Variants in RASGEF1C observed in about 807,000 individuals in gnomAD.
RASGEF1C encodes the protein ras-GEF domain-containing family member 1C.
A neutral mutation model predicts 58.1 loss-of-function variants in RASGEF1C; 27 were observed. That is an observed-to-expected ratio of 0.46 (90% CI 0.34 to 0.64). RASGEF1C has a LOEUF of 0.64. RASGEF1C is among the 30% of genes least tolerant of loss of function. The pLI is 0.01. For synonymous variants in RASGEF1C, 243 were observed against 246.3 expected (o/e 0.99, Z 0.13); for missense variants, 502 against 605.1 (o/e 0.83, Z 1.79).
intron 6 of RASGEF1C, among the ~76,000 whole-genome samples, chr5:180,123,839 G>A (rs1766214313): frequency 6.6e-6 from 1 of 152,064 alleles, no homozygotes; most frequent in Non-Finnish European, 1.5e-5. Flanking sequence ...ACAAAGAGAG[G>A]TGTAAATAAT....
At chr5:180,202,526 G>A (rs1466295459) in intron 1 of RASGEF1C, among the ~76,000 whole-genome samples, 1 of 152,020 alleles carries the variant, frequency 6.6e-6, no homozygotes, top group Non-Finnish European at 1.5e-5. Flanking sequence ...AGGAAAGAAA[G>A]GCATGTTTAT....
chr5:180,202,998 G>C (rs905961459), intron 1 of RASGEF1C, among the ~76,000 whole-genome samples: 16 of 151,956 alleles, frequency 1.1e-4, no homozygotes, highest in African/African-American at 3.9e-4. Flanking sequence ...CACCGCGCCT[G>C]GCCAGTACTC....
rs528874318 is a variant in RASGEF1C, at chr5:180,134,126, A to G, written c.438+2252T>C. 1.1e-3 allele frequency among the ~76,000 whole-genome samples: 161 copies of G among 152,254 alleles called. 2 individuals carry two copies. The highest frequency in any genetic ancestry group is 1.5e-3 in the Non-Finnish European group (101 of 68,014). On this transcript the variant is annotated intron_variant, in intron 4 of 13. Transcript: ENST00000361132. ...CTTCCATCCCAAACCATTCTGCGCC[A>G]GGAGGGGAACAACCCACAGTCCACA...
rs540822790 is a variant in RASGEF1C, at chr5:180,192,362, C to T, written c.-7+16666G>A. Among the ~76,000 whole-genome samples the T allele has an allele frequency of 1.4e-4, 21 of 152,268 alleles. No individual in the cohort carries two copies. The East Asian group carries it at 3.5e-3, about 25-fold the overall frequency. On this transcript the variant is annotated intron_variant, in intron 1 of 13. Transcript: ENST00000361132. ...ATCATGCCGGATGAAAGCGGAGGGA[C>T]GGATGAGCTCAGCGTCCTCACTGGG...
Position 180,128,389 on chromosome 5 carries a change from A to C in RASGEF1C, c.639+21T>G, listed in dbSNP as rs375796499. On this transcript the variant is annotated intron_variant, in intron 5 of 13. Coordinates refer to ENST00000361132, the MANE Select transcript of RASGEF1C (RefSeq NM_175062.4). ...TGTCCTGCTGAATCCCGGGTGAGGA[A>C]GGTGGTTTGGGCCGGCTTACCAGTT... The C allele has an allele frequency of 3.7e-6, 6 of 1,603,114 alleles. No homozygotes were observed. The African/African-American group carries it at 8.0e-5, about 21-fold the overall frequency.
chr5:180,140,840 T>C (rs1273244830), intron 1 of RASGEF1C, among the ~76,000 whole-genome samples: 6 of 152,194 alleles, frequency 3.9e-5, no homozygotes, highest in African/African-American at 1.4e-4. Flanking sequence ...CTGACCAGCA[T>C]GTGCAGAGGC....
intron 1 of RASGEF1C, 135 bp downstream of exon 1, chr5:180,208,893 G>A (rs1466803066): frequency 6.8e-6 from 1 of 147,182 alleles, no homozygotes; most frequent in African/African-American, 2.5e-5. Context: ...TGCTGACCCC[G>A]GCGCACGCTC....
intron 1 of RASGEF1C, among the ~76,000 whole-genome samples, chr5:180,172,810 C>T (rs1166341901): frequency 2.0e-5 from 3 of 152,112 alleles, no homozygotes; most frequent in Non-Finnish European, 2.9e-5. Context: ...TGCCACCCTG[C>T]GCTTCTCACC....
chr5:180,105,170 T>A (rs1765855330), intron 12 of RASGEF1C, among the ~76,000 whole-genome samples: 1 of 152,212 alleles, frequency 6.6e-6, no homozygotes, highest in Admixed American at 6.5e-5. Flanking sequence ...ATCTTAGTAA[T>A]CTCAGCATAC....
chr5:180,160,590 G>A (rs1258115224), intron 1 of RASGEF1C, among the ~76,000 whole-genome samples: 5 of 152,156 alleles, frequency 3.3e-5, no homozygotes, highest in Admixed American at 2.6e-4. Context: ...TTGCCTCTGG[G>A]AAGGAAAATT....
intron 1 of RASGEF1C, among the ~76,000 whole-genome samples, chr5:180,191,416 G>T (rs972353553): frequency 6.6e-6 from 1 of 152,036 alleles, no homozygotes; most frequent in Non-Finnish European, 1.5e-5. Context: ...GAGTGCAGTG[G>T]CGCGATCTCA....
chr5:180,138,278 C>G lies in RASGEF1C; in HGVS notation c.-6-220G>C, dbSNP rs894106832. On this transcript the variant is annotated intron_variant, in intron 1 of 13. Transcript: ENST00000361132. ...CGTCTTCTCATGGCCTCTCAACTCT[C>G]CTGCAGGACCCATCTCTTGTCTACT... 1.2e-4 allele frequency: 48 copies of G among 409,692 alleles called. 1 individual carries two copies. In the South Asian group the frequency reaches 4.3e-3, roughly 36 times the overall value. 25.4% of individuals were successfully genotyped at this position (409,692 alleles called of 1,614,324 possible).
At position 180,168,541 on chromosome 5, in the gene RASGEF1C, C is replaced by T. The variant is rs898342673; in HGVS notation, c.-6-30483G>A. On this transcript the variant is annotated intron_variant, in intron 1 of 13. Transcript: ENST00000361132. This position sits in a 1 kb window ranked among gnomAD's most constrained non-coding sequence, Gnocchi z 6.0. ...TCCTGGGGCTCTGCATTTCCGTCGT[C>T]GAGCCAGAAAGCTAGGGCTTTCCTT... is the stretch of plus-strand genomic sequence containing the variant. 6.6e-6 allele frequency among the ~76,000 whole-genome samples: 1 copy of T among 152,202 alleles called. No homozygotes were observed. The highest frequency in any genetic ancestry group is 1.5e-5 in the Non-Finnish European group (1 of 68,040).
Position 180,183,076 on chromosome 5 carries a change from G to T in RASGEF1C, c.-7+25952C>A, listed in dbSNP as rs376570235. Among the ~76,000 whole-genome samples the T allele has an allele frequency of 1.1e-4, 17 of 152,304 alleles. No homozygotes were observed. In the East Asian group the frequency reaches 2.5e-3, roughly 22 times the overall value. ...TTGAGATCATCAAAAGGGAAATTATGCTGCATGAGTGTAACCTAAACAGAT... is the reference window on the plus strand; with the variant it reads ...TTGAGATCATCAAAAGGGAAATTATTCTGCATGAGTGTAACCTAAACAGAT... On this transcript the variant is annotated intron_variant, in intron 1 of 13. Coordinates refer to ENST00000361132, the MANE Select transcript of RASGEF1C (RefSeq NM_175062.4).
At chr5:180,118,551 G>A in intron 10 of RASGEF1C, 58 bp downstream of exon 10, 1 of 1,463,392 alleles carries the variant, frequency 6.8e-7, no homozygotes, top group East Asian at 2.3e-5. Flanking sequence ...AGTGAACTCT[G>A]AGCCAGCACC....
chr5:180,134,236 CCAGAG>C (rs1561738923), intron 4 of RASGEF1C, among the ~76,000 whole-genome samples: 1 of 152,108 alleles, frequency 6.6e-6, no homozygotes, highest in African/African-American at 2.4e-5. Flanking sequence ...CTTGAGGTCA[CCAGAG>C]ACATGGGGAA....
At chr5:180,165,974 C>T (rs1767015890) in intron 1 of RASGEF1C, among the ~76,000 whole-genome samples, 1 of 151,862 alleles carries the variant, frequency 6.6e-6, no homozygotes, top group South Asian at 2.1e-4. Flanking sequence ...TGGTCTTGAT[C>T]TCCTGACCTC....
chr5:180,195,761 T>C (rs1173143931), intron 1 of RASGEF1C, among the ~76,000 whole-genome samples: 1 of 147,192 alleles, frequency 6.8e-6, no homozygotes, highest in Non-Finnish European at 1.5e-5. Flanking sequence ...CGAGACTCCG[T>C]CTCAAAAAAA....
chr5:180,193,446 G>A (rs1384301001), intron 1 of RASGEF1C, among the ~76,000 whole-genome samples: 1 of 152,134 alleles, frequency 6.6e-6, no homozygotes, highest in Non-Finnish European at 1.5e-5. Flanking sequence ...TATTTTGACA[G>A]GACAGAGCTG....
Sources: gnomAD v4.1 joint callset for allele counts (sites outside exome capture counted in the v4.1 genomes callset) on GRCh38, gnomAD v4.1.1 for gene constraint, Gnocchi (gnomAD v3.1) non-coding constraint, MANE v1.5 for transcripts, NCBI Gene and HGNC (gene_info 2026-07-23, HGNC 2026-07-21) for gene names.